Variants in FBXL13 observed in about 807,000 individuals in gnomAD.
The protein encoded by FBXL13 is F-box and leucine-rich repeat protein 13.
A neutral mutation model predicts 83.6 loss-of-function variants in FBXL13; 67 were observed. The ratio of observed to expected loss-of-function variants is 0.80; its 90% confidence interval spans 0.66 to 0.98. The LOEUF is 0.98. Ranked by LOEUF, FBXL13 falls within the 50% of genes least tolerant of loss-of-function variation. FBXL13 has a pLI of 0.00. For synonymous variants in FBXL13, 272 were observed against 299.5 expected, an observed-to-expected ratio of 0.91 and a Z score of 0.95; for missense variants, 822 against 866.5, an observed-to-expected ratio of 0.95 and a Z score of 0.64.
chr7:102,956,644 C>A (rs2129477990), intron 8 of FBXL13, among the ~76,000 whole-genome samples: 1 of 152,324 alleles, frequency 6.6e-6, no homozygotes, highest in East Asian at 1.9e-4. Context: ...CCCATCATCT[C>A]AGCCCAAAAT....
exon 14 of FBXL13, chr7:102,883,444 A>C: frequency 6.2e-7 from 1 of 1,612,572 alleles, no homozygotes; most frequent in Non-Finnish European, 8.5e-7. Flanking sequence ...AATTTGAAGG[A>C]TGCATCAGTA....
chr7:102,966,076 CA>C (rs1373744674), intron 7 of FBXL13, among the ~76,000 whole-genome samples: 2 of 152,228 alleles, frequency 1.3e-5, no homozygotes, highest in African/African-American at 4.8e-5. Context: ...ATCTGGACAA[CA>C]TCCCATTCTT....
At chr7:102,858,521 T>C (rs1393898147) in intron 16 of FBXL13, among the ~76,000 whole-genome samples, 1 of 152,016 alleles carries the variant, frequency 6.6e-6, no homozygotes, top group Non-Finnish European at 1.5e-5. Context: ...CATAAGGAAA[T>C]AACACTCTGC....
chr7:103,053,127 TTTTG>T (rs1240392065), intron 2 of FBXL13, among the ~76,000 whole-genome samples: 11 of 151,938 alleles, frequency 7.2e-5, no homozygotes, highest in South Asian at 2.1e-4. Context: ...TCTACAGGTT[TTTTG>T]TTTGTTTTTG....
chr7:103,043,638 A>T (rs1046288739), intron 2 of FBXL13, among the ~76,000 whole-genome samples: 1 of 152,142 alleles, frequency 6.6e-6, no homozygotes, highest in Non-Finnish European at 1.5e-5. Context: ...CAGCCTCCCA[A>T]GTAGCTGGGA....
At chr7:102,841,929 A>C (rs1803006682) in intron 17 of FBXL13, among the ~76,000 whole-genome samples, 1 of 152,128 alleles carries the variant, frequency 6.6e-6, no homozygotes, top group South Asian at 2.1e-4. Context: ...TTTCTCCACA[A>C]GCTACCAGAT....
chr7:102,865,975 T>A (rs76319516), intron 16 of FBXL13, among the ~76,000 whole-genome samples: 3,674 of 152,294 alleles, frequency 0.024, 162 homozygotes, highest in African/African-American at 0.084. Context: ...CAATTATTTT[T>A]GTTTATTTCT....
intron 11 of FBXL13, among the ~76,000 whole-genome samples, chr7:102,900,452 C>T (rs1469768513): frequency 6.6e-6 from 1 of 152,306 alleles, no homozygotes; most frequent in East Asian, 1.9e-4. Flanking sequence ...CCTAATACAA[C>T]ATTCCAAATT....
At chr7:102,912,909 G>C (rs1378707924) in intron 11 of FBXL13, 177 bp downstream of exon 12, 1 of 725,028 alleles carries the variant, frequency 1.4e-6, no homozygotes, top group South Asian at 2.2e-5. Context: ...AGGAAGCCAA[G>C]AGCCTATAAT....
intron 17 of FBXL13, among the ~76,000 whole-genome samples, chr7:102,834,086 AAAAG>A (rs751744146): frequency 0.069 from 6,422 of 92,838 alleles, 379 homozygotes; most frequent in Non-Finnish European, 0.082. Context: ...GGAAGGAAAG[AAAAG>A]AAAGAAAGAA....
At chr7:103,060,642 A>G (rs1320237420) in intron 1 of FBXL13, among the ~76,000 whole-genome samples, 3 of 152,242 alleles carry the variant, frequency 2.0e-5, no homozygotes, top group Non-Finnish European at 2.9e-5. Context: ...CACAAAAACA[A>G]ATGTAAGACA....
At chr7:102,934,357 G>A in intron 8 of FBXL13, 1 of 1,614,144 alleles carries the variant, frequency 6.2e-7, no homozygotes, top group Non-Finnish European at 8.5e-7. Context: ...CGGAGGAAGT[G>A]TTCATTTACA....
chr7:103,014,284 G>A (rs1791989078), intron 6 of FBXL13, among the ~76,000 whole-genome samples: 1 of 152,140 alleles, frequency 6.6e-6, no homozygotes, highest in Non-Finnish European at 1.5e-5. Flanking sequence ...GAGTCTGGGA[G>A]GTTGAGGCTG....
At chr7:102,916,434 G>GA (rs2129469614) in intron 10 of FBXL13, among the ~76,000 whole-genome samples, 1 of 152,276 alleles carries the variant, frequency 6.6e-6, no homozygotes, top group South Asian at 2.1e-4. Flanking sequence ...CTCCTGGATT[G>GA]AAAATCTCTG....
chr7:102,812,140 G>A (rs149151034), downstream of FBXL13, among the ~76,000 whole-genome samples: 2 of 152,134 alleles, frequency 1.3e-5, no homozygotes, highest in East Asian at 1.9e-4. Context: ...GCTTGTTTGC[G>A]GCAGTCAGAA....
intron 7 of FBXL13, among the ~76,000 whole-genome samples, 190 bp downstream of exon 8, chr7:102,967,832 C>G (rs1156368218): frequency 1.3e-5 from 2 of 152,232 alleles, no homozygotes; most frequent in South Asian, 4.1e-4. Flanking sequence ...TGATGTATCT[C>G]TTAAAATAGC....
intron 18 of FBXL13, among the ~76,000 whole-genome samples, chr7:102,822,632 T>C (rs1479740526): frequency 6.6e-6 from 1 of 152,238 alleles, no homozygotes; most frequent in Admixed American, 6.5e-5. Context: ...ATTCAATTCA[T>C]AACAAATAGA....
At chr7:102,997,327 A>C (rs987997425) in intron 6 of FBXL13, among the ~76,000 whole-genome samples, 1 of 152,232 alleles carries the variant, frequency 6.6e-6, no homozygotes, top group African/African-American at 2.4e-5. Flanking sequence ...TTTTGAGGGT[A>C]CACGTGATAT....
chr7:102,953,299 C>A (rs181295634), intron 8 of FBXL13, among the ~76,000 whole-genome samples: 3 of 151,790 alleles, frequency 2.0e-5, no homozygotes, highest in African/African-American at 7.3e-5. Flanking sequence ...AAGGATTATA[C>A]ACCATGATGT....
Sources: gnomAD v4.1 joint callset for allele counts (sites outside exome capture counted in the v4.1 genomes callset) on GRCh38, gnomAD v4.1.1 for gene constraint, MANE v1.5 for transcripts, NCBI Gene and HGNC (gene_info 2026-07-23, HGNC 2026-07-21) for gene names.